CSMD3: variants seen among roughly 807,000 people sequenced by gnomAD.
CSMD3 encodes CUB and Sushi multiple domains 3, also known as CUB and sushi domain-containing protein 3.
CSMD3 carries 177 observed loss-of-function variants against 435.2 expected under a neutral mutation model. That is an observed-to-expected ratio of 0.41 (90% CI 0.36 to 0.46). CSMD3 has a LOEUF of 0.46. CSMD3 is among the 20% of genes least tolerant of loss of function. The pLI, the probability that CSMD3 is intolerant of heterozygous loss-of-function variation, is 0.34. For synonymous variants in CSMD3, 1,656 were observed against 1,520.5 expected, an observed-to-expected ratio of 1.09 and a Z score of -2.07; for missense variants, 4,265 against 4,504.6, an observed-to-expected ratio of 0.95 and a Z score of 1.52.
chr8:113,054,415 T>G (rs2088229013), intron 5 of CSMD3, among the ~76,000 whole-genome samples: 1 of 152,132 alleles, frequency 6.6e-6, no homozygotes. Flanking sequence ...CTTCAATACA[T>G]TTTTTTAAGA....
At chr8:113,381,913 A>G (rs909265968) in intron 1 of CSMD3, among the ~76,000 whole-genome samples, 9 of 152,172 alleles carry the variant, frequency 5.9e-5, no homozygotes, top group East Asian at 1.9e-4. Flanking sequence ...TCTTATGACT[A>G]TATCATGTAT....
At chr8:113,326,333 A>T (rs995760991) in intron 1 of CSMD3, among the ~76,000 whole-genome samples, 1 of 141,088 alleles carries the variant, frequency 7.1e-6, no homozygotes, top group African/African-American at 2.5e-5. Flanking sequence ...TTGTTATATT[A>T]ATTATATTAA....
rs139266832 is a variant in CSMD3, at chr8:112,295,866, G to C, written c.8581C>G (p.His2861Asp). Residue 2861 changes from histidine to aspartate, a missense_variant, in exon 54 of 71, where the codon CAC becomes GAC. By Grantham distance (81) the His-to-Asp change is moderately conservative. This residue lies in a region of CSMD3 where 3,255 missense variants were observed against 3,380.2 expected (regional missense o/e 0.96). Coordinates refer to ENST00000297405, the MANE Select transcript of CSMD3 (RefSeq NM_198123.2). ...GATGGGAGCTGACCAGACCAATTGT[G>C]ATCCTGTTGACATATCCTCACTGAA... ...GSSVRICQQD[H>D]NWSGQLPSCV... 1 of 1,613,916 alleles carries C rather than the reference G, an allele frequency of 6.2e-7. No individual in the cohort carries two copies. Among genetic ancestry groups the C allele is most frequent in the African/African-American group, 1.3e-5 (1 of 74,990 alleles).
At chr8:112,695,933 C>T (rs536942610) in intron 13 of CSMD3, among the ~76,000 whole-genome samples, 1 of 152,156 alleles carries the variant, frequency 6.6e-6, no homozygotes, top group African/African-American at 2.4e-5. Flanking sequence ...TCTTATACAC[C>T]AATAACAGAC....
chr8:112,448,666 T>C (rs972486399), intron 32 of CSMD3, among the ~76,000 whole-genome samples: 3 of 151,918 alleles, frequency 2.0e-5, no homozygotes, highest in Non-Finnish European at 4.4e-5. Flanking sequence ...ATTACATTTC[T>C]GTGTTAAGTT....
chr8:112,437,366 G>A (rs1309266668), intron 32 of CSMD3, among the ~76,000 whole-genome samples: 5 of 152,054 alleles, frequency 3.3e-5, no homozygotes, highest in South Asian at 4.1e-4. Flanking sequence ...GTAGTTCAAT[G>A]TATACTTATT....
At chr8:113,290,712 G>A (rs1272902419) in intron 2 of CSMD3, among the ~76,000 whole-genome samples, 1 of 151,354 alleles carries the variant, frequency 6.6e-6, no homozygotes, top group East Asian at 1.9e-4. Flanking sequence ...ACGTACATGT[G>A]GTCATTTACC....
chr8:112,263,885 A>T, intron 60 of CSMD3, 73 bp from the exon 61 acceptor site: 1 of 1,317,386 alleles, frequency 7.6e-7, no homozygotes, highest in Non-Finnish European at 1.1e-6. Context: ...AATAAATATC[A>T]TTAGAAGAAG....
At chr8:112,335,752 T>A (rs1824499173) in intron 44 of CSMD3, among the ~76,000 whole-genome samples, 1 of 150,666 alleles carries the variant, frequency 6.6e-6, no homozygotes, top group East Asian at 1.9e-4. Flanking sequence ...TTTTTTTTTT[T>A]ACCAAAACTC....
intron 32 of CSMD3, among the ~76,000 whole-genome samples, chr8:112,449,631 C>T (rs1241580288): frequency 6.6e-6 from 1 of 152,192 alleles, no homozygotes; most frequent in Non-Finnish European, 1.5e-5. Context: ...CATTTTGCTA[C>T]TTTCTTCCAA....
chr8:112,654,017 G>GT (rs1356770345), intron 18 of CSMD3, among the ~76,000 whole-genome samples: 7 of 141,886 alleles, frequency 4.9e-5, no homozygotes, highest in African/African-American at 1.8e-4. Context: ...ATAGAATGGG[G>GT]TAAAAAAAAA....
At chr8:112,276,340 G>A (rs1443440912) in intron 59 of CSMD3, among the ~76,000 whole-genome samples, 2 of 152,136 alleles carry the variant, frequency 1.3e-5, no homozygotes, top group Admixed American at 1.3e-4. Flanking sequence ...ACTTTTCCAG[G>A]CACATGTTAC....
intron 6 of CSMD3, among the ~76,000 whole-genome samples, chr8:112,997,448 T>C (rs2085695723): frequency 6.6e-6 from 1 of 151,832 alleles, no homozygotes; most frequent in Admixed American, 6.6e-5. Flanking sequence ...CAACTATCTT[T>C]ATGAAATTTA....
At chr8:113,234,284 G>T (rs948286322) in intron 3 of CSMD3, among the ~76,000 whole-genome samples, 3 of 151,950 alleles carry the variant, frequency 2.0e-5, no homozygotes, top group Admixed American at 2.0e-4. Context: ...ACAGACACTG[G>T]CATCGAATCT....
chr8:113,230,873 TAA>T, intron 3 of CSMD3, among the ~76,000 whole-genome samples: 1 of 151,660 alleles, frequency 6.6e-6, no homozygotes, highest in East Asian at 1.9e-4. Flanking sequence ...ACATAATTTA[TAA>T]TAATACTAAT....
intron 28 of CSMD3, among the ~76,000 whole-genome samples, chr8:112,507,742 T>C (rs554003763): frequency 3.9e-5 from 6 of 152,310 alleles, no homozygotes; most frequent in African/African-American, 7.2e-5. Flanking sequence ...GCATTTCTGT[T>C]CCTTGCATGA....
intron 3 of CSMD3, among the ~76,000 whole-genome samples, chr8:113,233,357 T>C (rs1286041157): frequency 2.0e-5 from 3 of 151,272 alleles, no homozygotes; most frequent in Non-Finnish European, 4.4e-5. Context: ...GTCTTGACTG[T>C]ATAATAAAAA....
intron 3 of CSMD3, among the ~76,000 whole-genome samples, chr8:113,237,646 A>C (rs1231291320): frequency 6.6e-6 from 1 of 152,196 alleles, no homozygotes; most frequent in African/African-American, 2.4e-5. Context: ...CAGATTGTTT[A>C]ATTAACAGCC....
chr8:113,121,333 C>T (rs1215973446), intron 4 of CSMD3, among the ~76,000 whole-genome samples: 4 of 152,016 alleles, frequency 2.6e-5, no homozygotes, highest in African/African-American at 7.2e-5. Context: ...TTCAGGGTGG[C>T]GTGCTAATGC....
Sources: allele counts gnomAD v4.1 joint callset (sites outside exome capture counted in the v4.1 genomes callset), GRCh38; gene constraint gnomAD v4.1.1; regional missense constraint gnomAD v4.1.1; transcripts MANE v1.5; gene names NCBI Gene and HGNC (gene_info 2026-07-23, HGNC 2026-07-21).